SCAP: variants seen among roughly 807,000 people sequenced by gnomAD.
SCAP encodes the protein SREBF chaperone.
Under a neutral mutation model 123.6 loss-of-function variants are expected in SCAP, and 65 were observed. That is an observed-to-expected ratio of 0.53 (90% confidence interval 0.43 to 0.65). The LOEUF (loss-of-function observed/expected upper bound fraction) is 0.65. SCAP is among the 30% of genes least tolerant of loss of function. The pLI is 0.00. For missense variants in SCAP, 1,398 were observed against 1,712.5 expected, an observed-to-expected ratio of 0.82 and a Z score of 3.24; for synonymous variants, 740 against 726.3, an observed-to-expected ratio of 1.02 and a Z score of -0.30.
chr3:47,426,311 T>C (rs1158857304), intron 6 of SCAP, 142 bp from the exon 7 acceptor site: 1 of 796,520 alleles, frequency 1.3e-6, no homozygotes, highest in East Asian at 2.9e-5. Context: ...CCTGAGCTTC[T>C]CTATAGTCTC....
chr3:47,413,991 T>C lies in SCAP; in HGVS notation c.3703A>G (p.Thr1235Ala). ...TCACTGTTCTTCCCCAGGTAGACTGTCTGTAACAGGTCCCCGTAGTTTAGG... is the reference window on the plus strand; with the variant it reads ...TCACTGTTCTTCCCCAGGTAGACTGCCTGTAACAGGTCCCCGTAGTTTAGG... ...WDLNYGDLLQ[T>A]VYLGKNSEAQ... Residue 1235 changes from threonine to alanine, a missense_variant, in exon 23 of 23, where the codon ACA (threonine) becomes GCA (alanine). By Grantham distance (58) the Thr-to-Ala change is moderately conservative. This residue lies in a region of SCAP where 130 missense variants were observed against 166.7 expected (regional missense o/e 0.78). Transcript: ENST00000265565. The C allele has an allele frequency of 6.2e-7, 1 of 1,613,204 alleles. No homozygotes were observed. Among genetic ancestry groups the C allele is most frequent in the South Asian group, 1.1e-5 (1 of 91,080 alleles).
chr3:47,469,023 C>T (rs1163961519), intron 1 of SCAP, among the ~76,000 whole-genome samples: 2 of 152,150 alleles, frequency 1.3e-5, no homozygotes, highest in Non-Finnish European at 2.9e-5. Context: ...AATGTGAATA[C>T]ATTTAATGTC....
At chr3:47,435,833 G>A (rs1559552897) in intron 2 of SCAP, among the ~76,000 whole-genome samples, 4 of 152,102 alleles carry the variant, frequency 2.6e-5, no homozygotes, top group Admixed American at 2.0e-4. Flanking sequence ...AGGGCTGCTT[G>A]AGCCCAGAAG....
chr3:47,443,297 CT>C (rs1706889404), intron 1 of SCAP: 19 of 211,144 alleles, frequency 9.0e-5, no homozygotes, highest in South Asian at 1.6e-4. Context: ...CTCTCTCTCT[CT>C]CTCTCTCTCT....
At chr3:47,455,234 A>T (rs974327332) in intron 1 of SCAP, among the ~76,000 whole-genome samples, 17 of 151,618 alleles carry the variant, frequency 1.1e-4, no homozygotes, top group Admixed American at 1.1e-3. Flanking sequence ...ATAATGATTC[A>T]TTAACACTAA....
chr3:47,470,938 C>T (rs1708003998), intron 1 of SCAP, among the ~76,000 whole-genome samples: 1 of 152,040 alleles, frequency 6.6e-6, no homozygotes, highest in African/African-American at 2.4e-5. Flanking sequence ...CAAAGTAACA[C>T]CTATCAATTA....
chr3:47,424,916 T>C (rs1412732105), intron 8 of SCAP, among the ~76,000 whole-genome samples: 4 of 152,138 alleles, frequency 2.6e-5, no homozygotes, highest in Non-Finnish European at 5.9e-5. Flanking sequence ...AGGGAAGGGC[T>C]TCCAGACTAA....
rs1705881189 is a variant in SCAP at position 47,421,148 on chromosome 3, A to G, written c.1246-119T>C. ...GGCAGGGCAGCAGCAGGCAGGGCACAGCAGAGATGAGAGATGCTGGTTGGT... is the reference window on the plus strand; with the variant it reads ...GGCAGGGCAGCAGCAGGCAGGGCACGGCAGAGATGAGAGATGCTGGTTGGT... On this transcript the variant is annotated intron_variant, in intron 10 of 22. Coordinates refer to ENST00000265565, the MANE Select transcript of SCAP (RefSeq NM_012235.4). 6.1e-5 allele frequency: 47 copies of G among 767,992 alleles called. No individual in the cohort carries two copies. The South Asian group carries it at 6.6e-4, about 11-fold the overall frequency. The allele number at this position is 767,992 out of a possible 1,614,324, so 47.6% of individuals were successfully genotyped here. A position where few individuals can be genotyped will look rare whatever the true frequency, so the allele number is the denominator to read the frequency against.
At chr3:47,448,358 T>A (rs1383633365) in intron 1 of SCAP, among the ~76,000 whole-genome samples, 3 of 151,706 alleles carry the variant, frequency 2.0e-5, no homozygotes. Context: ...TTTCTGCATG[T>A]GTGTGTGTGT....
chr3:47,449,142 T>C (rs974632592), intron 1 of SCAP, among the ~76,000 whole-genome samples: 3 of 152,198 alleles, frequency 2.0e-5, no homozygotes, highest in South Asian at 2.1e-4. Context: ...TGAGCAGTAA[T>C]GTACTCCACA....
chr3:47,454,105 T>C (rs548098385), intron 1 of SCAP, among the ~76,000 whole-genome samples: 62 of 152,218 alleles, frequency 4.1e-4, no homozygotes, highest in Non-Finnish European at 7.2e-4. Context: ...CGGTGGCTCA[T>C]GCCTGTAATC....
At chr3:47,446,698 T>C (rs968169203) in intron 1 of SCAP, among the ~76,000 whole-genome samples, 2 of 152,076 alleles carry the variant, frequency 1.3e-5, no homozygotes, top group African/African-American at 2.4e-5. Flanking sequence ...TCCCAACACT[T>C]TGGGAGGCTG....
In SCAP at chr3:47,414,268, G is replaced by C; in HGVS notation, c.3506C>G (p.Thr1169Ser). ...GCCACTGCTGATGACACAGGAGGTG[G>C]TACAGGTAAGGGAGGTGACATCCCC... ...HRGDVTSLTCTTSCVISSGLD... is the reference protein window; with the variant it reads ...HRGDVTSLTCSTSCVISSGLD... Residue 1169 changes from threonine (T) to serine (S), a missense_variant, in exon 22 of 23, where the codon ACC becomes AGC. Thr to Ser is a moderately conservative substitution (Grantham distance 58). Coordinates refer to ENST00000265565, the MANE Select transcript of SCAP (RefSeq NM_012235.4). The C allele has an allele frequency of 6.2e-7, 1 of 1,613,536 alleles. No individual in the cohort carries two copies. The highest frequency in any genetic ancestry group is 8.5e-7 in the Non-Finnish European group (1 of 1,180,012).
chr3:47,430,925 C>A (rs994552336), intron 3 of SCAP, among the ~76,000 whole-genome samples: 2 of 152,202 alleles, frequency 1.3e-5, no homozygotes, highest in Non-Finnish European at 2.9e-5. Flanking sequence ...ACAGCATAGG[C>A]AAGGGCCAAG....
chr3:47,436,746 G>A (rs1372182587), intron 2 of SCAP, among the ~76,000 whole-genome samples: 2 of 152,184 alleles, frequency 1.3e-5, no homozygotes, highest in African/African-American at 4.8e-5. Context: ...CAGATCTTAA[G>A]TATAAAGTGC....
At chr3:47,425,942 T>C (rs1323117565) in intron 7 of SCAP, 55 bp downstream of exon 7, 23 of 1,598,202 alleles carry the variant, frequency 1.4e-5, no homozygotes, top group Non-Finnish European at 1.9e-5. Context: ...GCAGGTGACA[T>C]GGAAATGCCC....
rs1201103485 is a variant in SCAP at position 47,413,920 on chromosome 3, A to G, written c.3774T>C (p.Ile1258=). 2 of 1,613,184 alleles carry G rather than the reference A, an allele frequency of 1.2e-6. No individual in the cohort carries two copies. The highest frequency in any genetic ancestry group is 3.3e-5 in the Admixed American group (2 of 60,002). ...RQILVLDNAA[I]VCNFGSELSL... ...TGAGCTCACTGCCAAAGTTGCAGACAATGGCAGCGTTGTCCAGCACCAGGA... is the reference window on the plus strand; with the variant it reads ...TGAGCTCACTGCCAAAGTTGCAGACGATGGCAGCGTTGTCCAGCACCAGGA... Residue 1258 remains isoleucine, a synonymous_variant, in exon 23 of 23, where the codon ATT becomes ATC. Transcript: ENST00000265565.
In SCAP at chr3:47,459,874, C is replaced by T. The variant is rs183237531; in HGVS notation, c.-99+15925G>A. 1.1e-3 allele frequency among the ~76,000 whole-genome samples: 172 copies of T among 152,244 alleles called. 1 individual carries two copies. Among genetic ancestry groups the T allele is most frequent in the African/African-American group, 3.9e-3 (162 of 41,562 alleles). On this transcript the variant is annotated intron_variant, in intron 1 of 22. Transcript: ENST00000265565. Reference sequence around the variant, plus strand: ...CCCAATCCTAGTAAGCCTGAGGGTACTGCAGGAGACCAGGGCGTATTTCAG... The same window carrying T: ...CCCAATCCTAGTAAGCCTGAGGGTATTGCAGGAGACCAGGGCGTATTTCAG...
At chr3:47,430,973 C>T (rs1706333498) in intron 3 of SCAP, among the ~76,000 whole-genome samples, 2 of 152,174 alleles carry the variant, frequency 1.3e-5, no homozygotes, top group Non-Finnish European at 2.9e-5. Flanking sequence ...CCTCCTGGGA[C>T]CCTGGGCACA....
Sources: gnomAD v4.1 joint callset for allele counts (sites outside exome capture counted in the v4.1 genomes callset) on GRCh38, gnomAD v4.1.1 for gene constraint, gnomAD v4.1.1 regional missense constraint, MANE v1.5 for transcripts, NCBI Gene and HGNC (gene_info 2026-07-23, HGNC 2026-07-21) for gene names.